SLC26A7: variants seen among roughly 807,000 people sequenced by gnomAD.
The protein encoded by SLC26A7 is anion exchange transporter.
Under a neutral mutation model 82.5 loss-of-function variants are expected in SLC26A7, and 59 were observed. The observed-to-expected ratio is 0.72, with a 90% confidence interval of 0.58 to 0.89. The LOEUF is 0.89. Among genes scored for constraint, SLC26A7 ranks in the 40% least tolerant of loss-of-function variants. SLC26A7 has a pLI of 0.00. For missense variants in SLC26A7, 820 were observed against 793.0 expected (o/e 1.03, Z -0.41); for synonymous variants, 271 against 274.3 (o/e 0.99, Z 0.12).
chr8:91,382,896 A>T (rs1814704333), intron 15 of SLC26A7, among the ~76,000 whole-genome samples: 1 of 152,218 alleles, frequency 6.6e-6, no homozygotes, highest in Non-Finnish European at 1.5e-5. Flanking sequence ...AATAATTACA[A>T]GAACACTCTT....
intron 15 of SLC26A7, among the ~76,000 whole-genome samples, chr8:91,375,339 T>A (rs550963862): frequency 7.6e-4 from 116 of 152,284 alleles, no homozygotes; most frequent in African/African-American, 2.5e-3. Flanking sequence ...ATCTGTGAAC[T>A]TTGTACACAA....
chr8:91,374,995 T>G (rs144005424), intron 15 of SLC26A7, among the ~76,000 whole-genome samples: 228 of 152,054 alleles, frequency 1.5e-3, no homozygotes, highest in Non-Finnish European at 2.8e-3. Flanking sequence ...TTCTTTGTCT[T>G]TCTTTCTTTT....
At chr8:91,238,407 A>G (rs1389647638) in intron 2 of SLC26A7, among the ~76,000 whole-genome samples, 1 of 151,942 alleles carries the variant, frequency 6.6e-6, no homozygotes, top group Non-Finnish European at 1.5e-5. Flanking sequence ...TTTTTATTCT[A>G]TAGCTAAAGT....
chr8:91,323,240 A>G (rs918278923), intron 5 of SLC26A7, among the ~76,000 whole-genome samples: 1 of 152,210 alleles, frequency 6.6e-6, no homozygotes, highest in African/African-American at 2.4e-5. Context: ...AAGAATGTTC[A>G]TCTGTAACTT....
At chr8:91,341,298 CCCTACAAAGGA>C (rs1258086470) in intron 8 of SLC26A7, among the ~76,000 whole-genome samples, 1 of 152,068 alleles carries the variant, frequency 6.6e-6, no homozygotes, top group Non-Finnish European at 1.5e-5. Context: ...TCATCCATGT[CCCTACAAAGGA>C]CATGAACTCA....
intron 8 of SLC26A7, among the ~76,000 whole-genome samples, chr8:91,341,762 C>G (rs1348010109): frequency 6.6e-6 from 1 of 152,094 alleles, no homozygotes; most frequent in Non-Finnish European, 1.5e-5. Context: ...CCCTTTTCCT[C>G]TTTGGTCTCA....
At chr8:91,245,016 T>C (rs150101159), upstream of SLC26A7, among the ~76,000 whole-genome samples, 1 of 152,304 alleles carries the variant, frequency 6.6e-6, no homozygotes, top group East Asian at 1.9e-4. Flanking sequence ...CTCACTCTAC[T>C]GTACTGGTTG....
intron 5 of SLC26A7, among the ~76,000 whole-genome samples, chr8:91,329,742 A>G (rs766936557): frequency 3.3e-5 from 5 of 152,186 alleles, no homozygotes; most frequent in Non-Finnish European, 7.4e-5. Context: ...CTGACAGATC[A>G]TCTAAATAAT....
chr8:91,329,081 T>G (rs149291608), intron 5 of SLC26A7, among the ~76,000 whole-genome samples: 1 of 152,284 alleles, frequency 6.6e-6, no homozygotes, highest in African/African-American at 2.4e-5. Context: ...TTCTCTGAGA[T>G]CTGGGGAGAA....
At chr8:91,297,684 T>G (rs983746049) in intron 4 of SLC26A7, among the ~76,000 whole-genome samples, 2 of 152,124 alleles carry the variant, frequency 1.3e-5, no homozygotes, top group Non-Finnish European at 2.9e-5. Flanking sequence ...TTCTTTCCAT[T>G]GTCAACTAGA....
intron 1 of SLC26A7, among the ~76,000 whole-genome samples, chr8:91,213,188 A>C (rs1809967088): frequency 6.6e-6 from 1 of 152,134 alleles, no homozygotes; most frequent in Non-Finnish European, 1.5e-5. Flanking sequence ...GGGGAAGGGA[A>C]TGCTGCTTAG....
chr8:91,372,688 C>T (rs182537341), intron 15 of SLC26A7, among the ~76,000 whole-genome samples: 116 of 151,822 alleles, frequency 7.6e-4, no homozygotes, highest in African/African-American at 2.5e-3. Context: ...TTATTCTTTT[C>T]CCTTTAGGGT....
At chr8:91,349,740 G>T (rs900666102) in intron 9 of SLC26A7, among the ~76,000 whole-genome samples, 2 of 152,070 alleles carry the variant, frequency 1.3e-5, no homozygotes, top group Admixed American at 1.3e-4. Context: ...TAGGGTTTTG[G>T]TTTCAGGTAC....
chr8:91,248,907 A>G (rs1376300628), upstream of SLC26A7, among the ~76,000 whole-genome samples: 1 of 152,154 alleles, frequency 6.6e-6, no homozygotes, highest in Non-Finnish European at 1.5e-5. Flanking sequence ...CAGTTTGTTT[A>G]TGAGAACTAG....
rs1282294122 is a variant in SLC26A7, at chr8:91,211,618, T to TATA, written c.-150+2076_-150+2077insATA. 3.6e-3 allele frequency among the ~76,000 whole-genome samples: 456 copies of TATA among 125,062 alleles called. 1 individual carries two copies. Among genetic ancestry groups the TATA allele is most frequent in the Middle Eastern group, 4.8e-3 (1 of 210 alleles). The allele number at this position is 125,062 out of a possible 152,430, so 82.0% of individuals were successfully genotyped here. On this transcript the variant is annotated intron_variant, in intron 1 of 5. Transcript: ENST00000522862. ...CAAATATATATATATATATATATAT[T>TATA]TTTTTTTTATTTTTTTTGCTTGGAA...
rs1386057924 is a variant in SLC26A7, at chr8:91,397,211, T to C, written c.*2114T>C. ...CAAACCATGTACCTTATGAAGACCTTTGTTTTAAGACTTCCACACACCAAG... is the reference window on the plus strand; with the variant it reads ...CAAACCATGTACCTTATGAAGACCTCTGTTTTAAGACTTCCACACACCAAG... On this transcript the variant is annotated 3_prime_UTR_variant, in exon 19 of 19. Coordinates refer to ENST00000276609, the MANE Select transcript of SLC26A7 (RefSeq NM_052832.4). 4 of 152,064 alleles carry C rather than the reference T, an allele frequency of 2.6e-5. No homozygotes were observed. Among genetic ancestry groups the C allele is most frequent in the African/African-American group, 7.2e-5 (3 of 41,434 alleles). 9.4% of individuals were successfully genotyped at this position (152,064 alleles called of 1,614,324 possible).
Position 91,358,607 on chromosome 8 carries a change from G to C in SLC26A7, c.1315-3746G>C, listed in dbSNP as rs541990928. Reference sequence around the variant, plus strand: ...GGCCTCCCAAAGTGCTGGAATTACAGGTGTGAGTCACCGCACCTGGCCGCA... The same window carrying C: ...GGCCTCCCAAAGTGCTGGAATTACACGTGTGAGTCACCGCACCTGGCCGCA... On this transcript the variant is annotated intron_variant, in intron 11 of 18. Transcript: ENST00000276609. 3.9e-5 allele frequency among the ~76,000 whole-genome samples: 6 copies of C among 152,162 alleles called. No individual in the cohort carries two copies. In the South Asian group the frequency reaches 1.2e-3, roughly 32 times the overall value.
intron 16 of SLC26A7, among the ~76,000 whole-genome samples, chr8:91,393,276 CA>C (rs1331694193): frequency 1.3e-5 from 2 of 152,136 alleles, no homozygotes; most frequent in South Asian, 4.1e-4. Flanking sequence ...AGAGGCCAAA[CA>C]AATGAATTAG....
intron 2 of SLC26A7, among the ~76,000 whole-genome samples, chr8:91,254,706 A>G (rs548171353): frequency 6.6e-6 from 1 of 152,310 alleles, no homozygotes; most frequent in Non-Finnish European, 1.5e-5. Context: ...TTTCAAAGAA[A>G]GAAAGATAAA....
Sources: gnomAD v4.1 joint callset for allele counts (sites outside exome capture counted in the v4.1 genomes callset) on GRCh38, gnomAD v4.1.1 for gene constraint, MANE v1.5 for transcripts, NCBI Gene and HGNC (gene_info 2026-07-23, HGNC 2026-07-21) for gene names.